Variants in CORO1C observed in about 807,000 individuals in gnomAD.
The protein encoded by CORO1C is coronin-1C.
CORO1C carries 14 observed loss-of-function variants against 51.2 expected under a neutral mutation model. The ratio of observed to expected loss-of-function variants is 0.27; its 90% CI spans 0.18 to 0.43. CORO1C has a LOEUF of 0.43. Ranked by LOEUF, CORO1C falls within the 20% of genes least tolerant of loss-of-function variation. CORO1C has a pLI of 1.00. For synonymous variants in CORO1C, 181 were observed against 210.5 expected (o/e 0.86, Z 1.21); for missense variants, 417 against 607.8 (o/e 0.69, Z 3.30).
chr12:108,664,267 A>G (rs181249011), intron 3 of CORO1C, among the ~76,000 whole-genome samples: 1 of 152,330 alleles, frequency 6.6e-6, no homozygotes, highest in East Asian at 1.9e-4. Flanking sequence ...CGTGAGAAAA[A>G]GAATTTTCCT....
chr12:108,658,956 G>T lies in CORO1C; in HGVS notation c.449-37C>A, dbSNP rs1322872046. 1 of 1,585,672 alleles carries T rather than the reference G, an allele frequency of 6.3e-7. No homozygotes were observed. The highest frequency in any genetic ancestry group is 2.3e-5 in the East Asian group (1 of 44,300). The stretch of plus-strand genomic sequence containing the variant: ...AAAACCATCAGAGATTAGAAGATTA[G>T]AAACACCTATGTAACACACTCAGAA... On this transcript the variant is annotated intron_variant, in intron 4 of 10. Transcript: ENST00000261401. The surrounding 1 kb of genome is among the most constrained non-coding windows in gnomAD (Gnocchi z 4.9).
At chr12:108,677,909 C>T (rs56354906) in intron 3 of CORO1C, among the ~76,000 whole-genome samples, 9,773 of 151,756 alleles carry the variant, frequency 0.064, 572 homozygotes, top group East Asian at 0.32. Flanking sequence ...ATCCCAATTA[C>T]TCGGGAGGCT....
At chr12:108,701,609 A>G in intron 1 of CORO1C, 1 of 411,804 alleles carries the variant, frequency 2.4e-6, no homozygotes, top group Non-Finnish European at 4.5e-6. Context: ...GGAAAGAATT[A>G]AAGAAAATTA....
intron 6 of CORO1C, among the ~76,000 whole-genome samples, chr12:108,656,389 G>T (rs565658341): frequency 1.1e-3 from 160 of 141,532 alleles, no homozygotes; most frequent in African/African-American, 3.9e-3. Flanking sequence ...AGGTGGGGGG[G>T]CAGCCCCCGC....
At chr12:108,714,406 A>AAG (rs1436551109) in intron 1 of CORO1C, among the ~76,000 whole-genome samples, 1 of 151,096 alleles carries the variant, frequency 6.6e-6, no homozygotes, top group East Asian at 1.9e-4. Context: ...TCAAAAAAAA[A>AAG]AAAAAAAAAG....
intron 1 of CORO1C, among the ~76,000 whole-genome samples, chr12:108,712,048 T>C (rs1193765450): frequency 1.3e-5 from 2 of 152,162 alleles, no homozygotes; most frequent in Admixed American, 6.6e-5. Context: ...AAGCGTTCAG[T>C]GGGCAGAGAA....
chr12:108,648,953 C>CA lies in CORO1C; in HGVS notation c.1059+9dup. Reference sequence around the variant, plus strand: ...TAAAATATGGATTGTCTAGAAAACTCAGCACTCACCTTCCTGGGAACAGTC... The same window carrying CA: ...TAAAATATGGATTGTCTAGAAAACTCAAGCACTCACCTTCCTGGGAACAGTC... On this transcript the variant is annotated intron_variant, in intron 9 of 10. Coordinates refer to ENST00000261401, the MANE Select transcript of CORO1C (RefSeq NM_014325.4). 6.2e-7 allele frequency: 1 copy of CA among 1,613,862 alleles called. No individual in the cohort carries two copies. Among genetic ancestry groups the CA allele is most frequent in the Non-Finnish European group, 8.5e-7 (1 of 1,179,954 alleles).
At chr12:108,671,603 GA>G (rs901185171) in intron 3 of CORO1C, among the ~76,000 whole-genome samples, 18 of 150,812 alleles carry the variant, frequency 1.2e-4, no homozygotes, top group Admixed American at 3.3e-4. Context: ...TATATTTGAA[GA>G]AAAAAAATCT....
At chr12:108,729,165 G>A (rs2035658676) in intron 1 of CORO1C, among the ~76,000 whole-genome samples, 1 of 152,144 alleles carries the variant, frequency 6.6e-6, no homozygotes, top group Admixed American at 6.5e-5. Context: ...TCGTTAGAGT[G>A]ACTCTCTTCC....
chr12:108,705,409 G>A (rs1054500397), intron 1 of CORO1C, among the ~76,000 whole-genome samples: 4 of 131,074 alleles, frequency 3.1e-5, no homozygotes, highest in South Asian at 2.5e-4. Flanking sequence ...GCAGTGAGCC[G>A]AGATCACGCC....
At chr12:108,682,089 A>T (rs1399260085) in intron 2 of CORO1C, among the ~76,000 whole-genome samples, 2 of 152,078 alleles carry the variant, frequency 1.3e-5, no homozygotes, top group Non-Finnish European at 2.9e-5. Context: ...GCTAGAATTT[A>T]AAAACTGGCT....
intron 1 of CORO1C, among the ~76,000 whole-genome samples, chr12:108,703,568 A>T (rs1293121046): frequency 6.6e-6 from 1 of 152,222 alleles, no homozygotes; most frequent in Non-Finnish European, 1.5e-5. Context: ...AGGAGCGCAC[A>T]AAAAGGACAT....
rs2033132569 is a variant in CORO1C at position 108,658,783 on chromosome 12, G to A, written c.585C>T (p.Asp195=). 2 of 1,612,984 alleles carry A rather than the reference G, an allele frequency of 1.2e-6. No homozygotes were observed. Among genetic ancestry groups the A allele is most frequent in the Non-Finnish European group, 1.7e-6 (2 of 1,179,140 alleles). Residue 195 remains aspartate, a synonymous_variant, in exon 5 of 11, where the codon GAC becomes GAT. Transcript: ENST00000261401. The surrounding 1 kb of genome is among the most constrained non-coding windows in gnomAD (Gnocchi z 4.9). The part of the protein sequence containing the change: ...NGSLICTASK[D]KKVRVIDPRK... ...TGGGATCAATGACTCTCACTTTCTT[G>A]TCTTTGGAAGCTGTGCAGATCAGAC...
intron 1 of CORO1C, among the ~76,000 whole-genome samples, chr12:108,712,542 C>T (rs1218845440): frequency 1.4e-5 from 2 of 146,996 alleles, no homozygotes; most frequent in African/African-American, 5.1e-5. Context: ...CCACTACACC[C>T]CAGCCTGAAC....
chr12:108,696,069 G>A (rs1460384976), intron 2 of CORO1C, among the ~76,000 whole-genome samples: 1 of 152,088 alleles, frequency 6.6e-6, no homozygotes, highest in Non-Finnish European at 1.5e-5. Flanking sequence ...CAACAAAGGA[G>A]CCCATGGGAG....
chr12:108,654,210 T>C, intron 7 of CORO1C, 96 bp downstream of exon 7: 1 of 816,866 alleles, frequency 1.2e-6, no homozygotes, highest in South Asian at 1.6e-5. Context: ...TTAGAAAAAT[T>C]AAACAGATAC....
intron 1 of CORO1C, among the ~76,000 whole-genome samples, chr12:108,703,826 T>C (rs1325513330): frequency 6.6e-6 from 1 of 152,164 alleles, no homozygotes; most frequent in Non-Finnish European, 1.5e-5. Flanking sequence ...ACTGACAGCC[T>C]GGTTCTATAC....
chr12:108,680,067 T>C (rs563197967), intron 2 of CORO1C, among the ~76,000 whole-genome samples: 1 of 152,220 alleles, frequency 6.6e-6, no homozygotes, highest in Non-Finnish European at 1.5e-5. Flanking sequence ...TTAACAAATA[T>C]GTGTTGTGAA....
At chr12:108,715,763 C>A (rs1412159943) in intron 1 of CORO1C, among the ~76,000 whole-genome samples, 2 of 151,418 alleles carry the variant, frequency 1.3e-5, no homozygotes, top group Non-Finnish European at 2.9e-5. Context: ...ACTCAAAGAG[C>A]CAAATTAATC....
Sources: allele counts gnomAD v4.1 joint callset (sites outside exome capture counted in the v4.1 genomes callset), GRCh38; gene constraint gnomAD v4.1.1; non-coding constraint Gnocchi (gnomAD v3.1); transcripts MANE v1.5; gene names NCBI Gene and HGNC (gene_info 2026-07-23, HGNC 2026-07-21).